CFAP61: variants seen among roughly 807,000 people sequenced by gnomAD.
CFAP61 encodes cilia and flagella associated protein 61.
In CFAP61, 107 loss-of-function variants were observed where a neutral mutation model predicts 135.6. That is an observed-to-expected ratio of 0.79 (90% CI 0.67 to 0.93). The LOEUF is 0.93. Ranked by LOEUF, CFAP61 falls within the 40% of genes least tolerant of loss-of-function variation. The pLI is 0.00. For missense variants in CFAP61, 1,507 were observed against 1,556.2 expected, an observed-to-expected ratio of 0.97 and a Z score of 0.53; for synonymous variants, 575 against 578.5, an observed-to-expected ratio of 0.99 and a Z score of 0.09.
At chr20:20,164,304 C>A in intron 11 of CFAP61, 76 bp downstream of exon 11, 1 of 1,436,000 alleles carries the variant, frequency 7.0e-7, no homozygotes, top group Non-Finnish European at 9.4e-7. Context: ...TTTAACTTTA[C>A]AGAGCCAGTA....
At chr20:20,334,779 A>G (rs2058117846) in intron 25 of CFAP61, among the ~76,000 whole-genome samples, 1 of 152,236 alleles carries the variant, frequency 6.6e-6, no homozygotes, top group Non-Finnish European at 1.5e-5. Context: ...GCCTCAAAGC[A>G]ATCAAAAAAT....
In CFAP61 at chr20:20,098,701, A is replaced by G; in HGVS notation, c.746A>G (p.Asn249Ser). The change falls in exon 8 of 27, where the codon AAC (asparagine) becomes AGC (serine). Residue 249 changes from asparagine to serine, a missense_variant. Coordinates refer to ENST00000245957, the MANE Select transcript of CFAP61 (RefSeq NM_015585.4). Reference sequence around the variant, plus strand: ...TTCATGAGTGTGTGCTCAAGAGTGAACATGCAACTGCTGCATGAGTGCTTT... The same window carrying G: ...TTCATGAGTGTGTGCTCAAGAGTGAGCATGCAACTGCTGCATGAGTGCTTT... Reference protein sequence around the residue: ...VGFMSVCSRVNMQLLHECFDL... With the variant: ...VGFMSVCSRVSMQLLHECFDL... 7 of 1,613,616 alleles carry G rather than the reference A, an allele frequency of 4.3e-6. No homozygotes were observed. The highest frequency in any genetic ancestry group is 5.9e-6 in the Non-Finnish European group (7 of 1,179,882).
chr20:20,300,598 G>T (rs1285442455), intron 25 of CFAP61, among the ~76,000 whole-genome samples: 11 of 148,910 alleles, frequency 7.4e-5, no homozygotes, highest in Middle Eastern at 3.4e-3. Flanking sequence ...GGGTTCTTTT[G>T]TTTTTTTTGT....
At chr20:20,312,894 A>G (rs1307937722) in intron 25 of CFAP61, among the ~76,000 whole-genome samples, 1 of 152,318 alleles carries the variant, frequency 6.6e-6, no homozygotes, top group Admixed American at 6.5e-5. Context: ...CCCATATTAC[A>G]TACACCATCC....
chr20:20,269,212 C>T (rs1469019043), intron 21 of CFAP61, among the ~76,000 whole-genome samples: 13 of 109,544 alleles, frequency 1.2e-4, no homozygotes, highest in South Asian at 2.9e-4. Flanking sequence ...TGTATATATA[C>T]ACATATATAC....
intron 20 of CFAP61, among the ~76,000 whole-genome samples, chr20:20,259,391 C>G (rs2051968810): frequency 6.7e-6 from 1 of 149,582 alleles, no homozygotes; most frequent in Non-Finnish European, 1.5e-5. Flanking sequence ...GTAGCTGGGA[C>G]TATACAGGTA....
At chr20:20,152,853 AC>A (rs2052570672) in intron 9 of CFAP61, among the ~76,000 whole-genome samples, 1 of 152,120 alleles carries the variant, frequency 6.6e-6, no homozygotes, top group Admixed American at 6.5e-5. Context: ...CTTAAACTAT[AC>A]CCTAGAACTA....
At chr20:20,240,857 C>G (rs1421102153) in intron 18 of CFAP61, among the ~76,000 whole-genome samples, 1 of 152,206 alleles carries the variant, frequency 6.6e-6, no homozygotes, top group African/African-American at 2.4e-5. Flanking sequence ...ATAGGCAGCA[C>G]TCTCTGCCCA....
At chr20:20,255,807 T>C (rs1381735051) in intron 20 of CFAP61, among the ~76,000 whole-genome samples, 1 of 152,190 alleles carries the variant, frequency 6.6e-6, no homozygotes, top group African/African-American at 2.4e-5. Context: ...GCCTCTTCCA[T>C]CTAAGAGGTA....
intron 8 of CFAP61, among the ~76,000 whole-genome samples, chr20:20,110,386 AG>A (rs1008551985): frequency 2.0e-5 from 3 of 152,186 alleles, no homozygotes; most frequent in African/African-American, 7.2e-5. Context: ...AACAAGGAGC[AG>A]GGTTGATTGC....
intron 9 of CFAP61, among the ~76,000 whole-genome samples, chr20:20,145,522 A>T (rs2051806594): frequency 6.6e-6 from 1 of 152,238 alleles, no homozygotes; most frequent in East Asian, 1.9e-4. Context: ...AAACCTAAGT[A>T]TACAATAATT....
intron 1 of CFAP61, among the ~76,000 whole-genome samples, chr20:20,053,275 A>G (rs1419060415): frequency 1.3e-5 from 2 of 152,234 alleles, no homozygotes; most frequent in African/African-American, 2.4e-5. Flanking sequence ...TAGGTTCACA[A>G]CAAAATTAAG....
At chr20:20,278,704 C>T (rs1227491919) in intron 22 of CFAP61, among the ~76,000 whole-genome samples, 1 of 152,118 alleles carries the variant, frequency 6.6e-6, no homozygotes, top group Non-Finnish European at 1.5e-5. Flanking sequence ...CTCTCACCCC[C>T]ACCCCAACCC....
chr20:20,281,470 T>G (rs1056895238), intron 22 of CFAP61, among the ~76,000 whole-genome samples: 3 of 152,156 alleles, frequency 2.0e-5, no homozygotes, highest in Admixed American at 1.3e-4. Flanking sequence ...GCTGTTGAAT[T>G]TTGTTAAGTG....
intron 6 of CFAP61, among the ~76,000 whole-genome samples, chr20:20,078,574 G>A (rs528697702): frequency 6.6e-6 from 1 of 152,302 alleles, no homozygotes; most frequent in South Asian, 2.1e-4. Context: ...TTTGTGAGTT[G>A]TCAGTTTGTC....
intron 25 of CFAP61, among the ~76,000 whole-genome samples, chr20:20,315,053 G>A (rs1222285683): frequency 1.5e-5 from 2 of 132,252 alleles, no homozygotes; most frequent in Non-Finnish European, 3.2e-5. Context: ...TATATACCCA[G>A]TAATGGGATG....
At chr20:20,348,317 C>A (rs1421707693) in intron 26 of CFAP61, among the ~76,000 whole-genome samples, 3 of 152,114 alleles carry the variant, frequency 2.0e-5, no homozygotes, top group Admixed American at 6.6e-5. Context: ...AAACACCCAG[C>A]TGAGTGAGAT....
intron 13 of CFAP61, among the ~76,000 whole-genome samples, chr20:20,186,743 A>C (rs1425897497): frequency 6.6e-6 from 1 of 152,220 alleles, no homozygotes; most frequent in African/African-American, 2.4e-5. Flanking sequence ...TGTTCATAAT[A>C]TGGAAGCATG....
In CFAP61 at chr20:20,119,617, T is replaced by TAC. The variant is rs2049452280; in HGVS notation, c.859+20803_859+20804insAC. Among the ~76,000 whole-genome samples, 5 of 151,778 alleles carry TAC rather than the reference T, an allele frequency of 3.3e-5. No individual in the cohort carries two copies. In the South Asian group the frequency reaches 1.0e-3, roughly 32 times the overall value. ...AATTTCATTTATTTCTACTCTGATC[T>TAC]TTGTTTTGGCTATGAAGAAATGATT... On this transcript the variant is annotated intron_variant, in intron 8 of 26. Transcript: ENST00000245957.
Sources: allele counts gnomAD v4.1 joint callset (sites outside exome capture counted in the v4.1 genomes callset), GRCh38; gene constraint gnomAD v4.1.1; transcripts MANE v1.5; gene names NCBI Gene and HGNC (gene_info 2026-07-23, HGNC 2026-07-21).